PLEC: variants seen among roughly 807,000 people sequenced by gnomAD.
PLEC encodes the protein hemidesmosomal protein 1.
In PLEC, 216 loss-of-function variants were observed where a neutral mutation model predicts 392.8. The observed-to-expected ratio is 0.55, with a 90% confidence interval of 0.49 to 0.62. The LOEUF is 0.62. Among genes scored for constraint, PLEC ranks in the 20% least tolerant of loss-of-function variants. The pLI is 0.00. For missense variants in PLEC, 6,863 were observed against 6,563.4 expected, an observed-to-expected ratio of 1.05 and a Z score of -1.58; for synonymous variants, 3,621 against 2,980.6, an observed-to-expected ratio of 1.21 and a Z score of -7.00.
rs2131694792 is a variant in PLEC, at chr8:143,929,225, C to T, written c.3138G>A (p.Glu1046=). 2 of 1,603,102 alleles carry T rather than the reference C, an allele frequency of 1.2e-6. No individual in the cohort carries two copies. The highest frequency in any genetic ancestry group is 1.7e-6 in the Non-Finnish European group (2 of 1,178,940). Residue 1046 remains glutamate, a synonymous_variant, in exon 25 of 32, where the codon GAG becomes GAA. Transcript: ENST00000345136. ...CTGGTAGGGCCAAGACCTTCTCGGCCTCGGCAGAGAGCCGGGCGACCCCCT... is the reference window on the plus strand; with the variant it reads ...CTGGTAGGGCCAAGACCTTCTCGGCTTCGGCAGAGAGCCGGGCGACCCCCT... ...LGKGVARLSA[E]AEKVLALPEP... is the part of the protein sequence containing the mutation.
At position 143,917,861 on chromosome 8, in the gene PLEC, A is replaced by C. The variant is rs1466006788; in HGVS notation, c.11960T>G (p.Val3987Gly). 1.2e-6 allele frequency: 2 copies of C among 1,613,022 alleles called. No individual in the cohort carries two copies. Among genetic ancestry groups the C allele is most frequent in the East Asian group, 2.2e-5 (1 of 44,864 alleles). ...AATGCCCATACGCACAGCCTCCTCC[A>C]CCGTCAGCTTCAGTCCCTTGATGGG... ...IDPIKGLKLT[V>G]EEAVRMGIVG... The change falls in exon 32 of 32, where the codon GTG (valine) becomes GGG (glycine). Residue 3987 changes from valine (V) to glycine (G), a missense_variant. Physicochemically the swap from Val to Gly is moderately radical, Grantham distance 109 (BLOSUM62 -3). Transcript: ENST00000345136.
upstream of PLEC, among the ~76,000 whole-genome samples, chr8:143,939,924 C>T (rs1830125208): frequency 6.6e-6 from 1 of 152,208 alleles, no homozygotes; most frequent in East Asian, 1.9e-4. Flanking sequence ...CTGAAGGGCT[C>T]CCCCGACGGG....
rs1323256684 is a variant in PLEC at position 143,933,033 on chromosome 8, A to G, written c.1497T>C (p.Pro499=). The change falls in exon 14 of 32, where the codon CCT becomes CCC. Residue 499 remains proline, a synonymous_variant. Transcript: ENST00000345136. The part of the protein sequence containing the change: ...NLRLKAGVAA[P]ATQVAQVTLQ... ...GAGTCACCTGGGCCACCTGGGTTGCAGGGGCCGCCACGCCTGCCTTCAGCC... is the reference window on the plus strand; with the variant it reads ...GAGTCACCTGGGCCACCTGGGTTGCGGGGGCCGCCACGCCTGCCTTCAGCC... 2 of 1,597,370 alleles carry G rather than the reference A, an allele frequency of 1.3e-6. No individual in the cohort carries two copies. The highest frequency in any genetic ancestry group is 1.7e-6 in the Non-Finnish European group (2 of 1,173,562).
chr8:143,937,103 C>G, intron 4 of PLEC, 32 bp from the exon 5 acceptor site: 1 of 1,609,550 alleles, frequency 6.2e-7, no homozygotes, highest in South Asian at 1.1e-5. Flanking sequence ...TCACGGCCCA[C>G]AGGGCGGGGC....
In PLEC at chr8:143,921,609, A is replaced by G; in HGVS notation, c.8212T>C (p.Phe2738Leu). The change falls in exon 32 of 32, where the codon TTC becomes CTC. Residue 2738 changes from phenylalanine to leucine, a missense_variant. Transcript: ENST00000345136. ...CGGTTCCGCACAGGGTCCAGCAGGAAGCCTGAGGCCGCCTGCGCCTCCAGC... is the reference window on the plus strand; with the variant it reads ...CGGTTCCGCACAGGGTCCAGCAGGAGGCCTGAGGCCGCCTGCGCCTCCAGC... ...ILLEAQAASG[F>L]LLDPVRNRRL... 1 of 1,612,750 alleles carries G rather than the reference A, an allele frequency of 6.2e-7. No homozygotes were observed. Among genetic ancestry groups the G allele is most frequent in the Non-Finnish European group, 8.5e-7 (1 of 1,179,796 alleles).
At chr8:143,943,830 C>T (rs1266809010), upstream of PLEC, 2 of 1,612,286 alleles carry the variant, frequency 1.2e-6, no homozygotes, top group African/African-American at 1.3e-5. Context: ...CACACAGCGG[C>T]CAGGGTGACA....
chr8:143,935,696 G>A (rs1828862776), intron 6 of PLEC, 152 bp downstream of exon 6: 2 of 791,786 alleles, frequency 2.5e-6, no homozygotes, highest in Non-Finnish European at 2.1e-6. Flanking sequence ...GGGTGGGGCT[G>A]GGCCCTGAAC....
upstream of PLEC, among the ~76,000 whole-genome samples, chr8:143,940,884 C>A (rs1390631858): frequency 2.0e-5 from 3 of 152,214 alleles, no homozygotes; most frequent in Non-Finnish European, 2.9e-5. Context: ...AACGAAGACA[C>A]CCCTTGGTCT....
rs1824179453 is a variant in PLEC at position 143,924,462 on chromosome 8, C to A, written c.5467G>T (p.Asp1823Tyr). The change falls in exon 31 of 32, where the codon GAC (aspartate) becomes TAC (tyrosine). Residue 1823 changes from aspartate to tyrosine, a missense_variant. Asp to Tyr is a radical substitution (Grantham distance 160). Transcript: ENST00000345136. ...GCCTCGGCCCGCTGCCGCGCCGCGT[C>A]TTCCTCGGCCAGCTGCCGCTGCCGC... ...AKRQRQLAEE[D>Y]AARQRAEAER... The A allele has an allele frequency of 3.2e-6, 5 of 1,546,768 alleles. No homozygotes were observed. The African/African-American group carries it at 4.2e-5, about 13-fold the overall frequency.
At chr8:143,955,388 C>A (rs1301749049), upstream of PLEC, among the ~76,000 whole-genome samples, 1 of 152,012 alleles carries the variant, frequency 6.6e-6, no homozygotes, top group Non-Finnish European at 1.5e-5. Flanking sequence ...GGCTGAGGCA[C>A]GAGAATCACT....
upstream of PLEC, among the ~76,000 whole-genome samples, chr8:143,940,536 G>A (rs1233447793): frequency 1.3e-5 from 2 of 152,206 alleles, no homozygotes; most frequent in Admixed American, 6.5e-5. Flanking sequence ...TGCGCTGGCT[G>A]GGGCCTCCGG....
intron 24 of PLEC, 25 bp from the exon 25 acceptor site, chr8:143,929,306 C>T (rs1486179183): frequency 6.3e-7 from 1 of 1,597,660 alleles, no homozygotes; most frequent in Admixed American, 1.7e-5. Context: ...AGTGGGAACG[C>T]ACTCATCACC....
chr8:143,918,486 T>G lies in PLEC; in HGVS notation c.11335A>C (p.Thr3779Pro). 6.3e-7 allele frequency: 1 copy of G among 1,599,674 alleles called. No homozygotes were observed. The highest frequency in any genetic ancestry group is 1.1e-5 in the South Asian group (1 of 89,824). The change falls in exon 32 of 32, where the codon ACC (threonine) becomes CCC (proline). Residue 3779 changes from threonine (T) to proline (P), a missense_variant. By Grantham distance (38) the Thr-to-Pro change is conservative. Transcript: ENST00000345136. ...TTCATGGCCTGGAAGAGCGAGATGG[T>G]CTGCTCGGTGTAGGGGTCACGGTAG... ...TGYRDPYTEQ[T>P]ISLFQAMKKE...
chr8:143,919,151 A>C lies in PLEC; in HGVS notation c.10670T>G (p.Val3557Gly), dbSNP rs782192702. The C allele has an allele frequency of 1.9e-6, 3 of 1,612,878 alleles. No individual in the cohort carries two copies. The highest frequency in any genetic ancestry group is 2.5e-6 in the Non-Finnish European group (3 of 1,179,948). ...EKAEVVETTQ[V>G]YTEEETRRAF... Reference sequence around the variant, plus strand: ...CCTTCTTGTCTCCTCCTCAGTGTACACCTGCGTGGTCTCCACCACCTCAGC... The same window carrying C: ...CCTTCTTGTCTCCTCCTCAGTGTACCCCTGCGTGGTCTCCACCACCTCAGC... Residue 3557 changes from valine to glycine, a missense_variant, in exon 32 of 32, where the codon GTG becomes GGG. By Grantham distance (109) the Val-to-Gly change is moderately radical. Coordinates refer to ENST00000345136, the MANE Select transcript of PLEC (RefSeq NM_201384.3).
At position 143,916,448 on chromosome 8, in the gene PLEC, CCCT is replaced by C. The variant is rs1563919207; in HGVS notation, c.13370_13372del (p.Glu4457del). On this transcript the variant is annotated inframe_deletion, in exon 32 of 32. Coordinates refer to ENST00000345136, the MANE Select transcript of PLEC (RefSeq NM_201384.3). ...AGCCTCCAGCAGCCGCAGCCCCGTG[CCCT>C]CCTCCACCATGCTGCGGTCCAGCGC... is the stretch of plus-strand genomic sequence containing the variant. 6.2e-7 allele frequency: 1 copy of C among 1,610,632 alleles called. No individual in the cohort carries two copies. The highest frequency in any genetic ancestry group is 8.5e-7 in the Non-Finnish European group (1 of 1,179,028).
At position 143,921,573 on chromosome 8, in the gene PLEC, C is replaced by T. The variant is rs982482662; in HGVS notation, c.8248G>A (p.Val2750Ile). 6.2e-6 allele frequency: 10 copies of T among 1,612,160 alleles called. No homozygotes were observed. Among genetic ancestry groups the T allele is most frequent in the Admixed American group, 5.0e-5 (3 of 59,962 alleles). The change falls in exon 32 of 32, where the codon GTC (valine) becomes ATC (isoleucine). Residue 2750 changes from valine to isoleucine, a missense_variant. Transcript: ENST00000345136. ...LDPVRNRRLT[V>I]NEAVKEGVVG... ...ACACCCTCCTTCACAGCCTCGTTGA[C>T]GGTCAGCCGCCGGTTCCGCACAGGG...
chr8:143,919,922 T>G lies in PLEC; in HGVS notation c.9899A>C (p.Gln3300Pro), dbSNP rs1554679882. ...GAGGCCGCTGAAGGACAGCCTCTCCTGCCGCAGGGTCTCCACCTCCTCCAC... is the reference window on the plus strand; with the variant it reads ...GAGGCCGCTGAAGGACAGCCTCTCCGGCCGCAGGGTCTCCACCTCCTCCAC... ...TIVEEVETLR[Q>P]ERLSFSGLRA... Residue 3300 changes from glutamine to proline, a missense_variant, in exon 32 of 32, where the codon CAG becomes CCG. Physicochemically the swap from Gln to Pro is moderately conservative, Grantham distance 76 (BLOSUM62 -1). Coordinates refer to ENST00000345136, the MANE Select transcript of PLEC (RefSeq NM_201384.3). 4 of 1,613,348 alleles carry G rather than the reference T, an allele frequency of 2.5e-6. No homozygotes were observed. Among genetic ancestry groups the G allele is most frequent in the Middle Eastern group, 1.6e-4 (1 of 6,062 alleles).
At chr8:143,975,028 A>G, upstream of PLEC, 1 of 864,470 alleles carries the variant, frequency 1.2e-6, no homozygotes, top group Non-Finnish European at 1.8e-6. The surrounding 1 kb of genome is among the most constrained non-coding windows in gnomAD (Gnocchi z 9.9). Context: ...TGCCGCCTGC[A>G]CTCACCTGGG....
In PLEC at chr8:143,921,479, T is replaced by G. The variant is rs1554685883; in HGVS notation, c.8342A>C (p.Tyr2781Ser). 6.2e-7 allele frequency: 1 copy of G among 1,613,086 alleles called. No individual in the cohort carries two copies. Among genetic ancestry groups the G allele is most frequent in the Non-Finnish European group, 8.5e-7 (1 of 1,179,818 alleles). Residue 2781 changes from tyrosine to serine, a missense_variant, in exon 32 of 32, where the codon TAC becomes TCC. By Grantham distance (144) the Tyr-to-Ser change is moderately radical. Coordinates refer to ENST00000345136, the MANE Select transcript of PLEC (RefSeq NM_201384.3). ...ERAVTGYKDP[Y>S]TGQQISLFQA... is the part of the protein sequence containing the mutation. ...GAAGAGAGAGATCTGCTGGCCAGTG[T>G]AGGGGTCCTTGTAGCCAGTGACGGC... is the stretch of plus-strand genomic sequence containing the variant.
Sources: gnomAD v4.1 joint callset for allele counts (sites outside exome capture counted in the v4.1 genomes callset) on GRCh38, gnomAD v4.1.1 for gene constraint, Gnocchi (gnomAD v3.1) non-coding constraint, MANE v1.5 for transcripts, NCBI Gene and HGNC (gene_info 2026-07-23, HGNC 2026-07-21) for gene names.